LAMB4: variants seen among roughly 807,000 people sequenced by gnomAD.
LAMB4 encodes laminin subunit beta-4.
In LAMB4, 196 loss-of-function variants were observed where a neutral mutation model predicts 199.2. That is an observed-to-expected ratio of 0.98 (90% CI 0.88 to 1.11). The LOEUF (loss-of-function observed/expected upper bound fraction) is 1.11. Among genes scored for constraint, LAMB4 ranks in the 50% least tolerant of loss-of-function variants. The pLI, the probability that LAMB4 is intolerant of heterozygous loss-of-function variation, is 0.00. For missense variants in LAMB4, 2,080 were observed against 2,171.2 expected (o/e 0.96, Z 0.83); for synonymous variants, 744 against 770.6 (o/e 0.97, Z 0.57).
At chr7:108,092,903 CA>C (rs2037463981) in intron 12 of LAMB4, among the ~76,000 whole-genome samples, 1 of 151,918 alleles carries the variant, frequency 6.6e-6, no homozygotes, top group Admixed American at 6.6e-5. Flanking sequence ...CACTCCATCT[CA>C]AAAAAATTTT....
Position 108,091,484 on chromosome 7 carries a change from G to T in LAMB4, c.1701+142C>A, listed in dbSNP as rs529678486. 6.8e-6 allele frequency: 6 copies of T among 887,780 alleles called. 1 individual carries two copies. The South Asian group carries it at 6.9e-5, about 10-fold the overall frequency. The allele number at this position is 887,780 out of a possible 1,614,324, so 55.0% of individuals were successfully genotyped here. On this transcript the variant is annotated intron_variant, in intron 14 of 33. Transcript: ENST00000388781. ...AGAGTTTATATAATCTGCATTTGCA[G>T]GTTATAATAAACTCTGATCTGCATC...
At chr7:108,068,182 G>A in intron 18 of LAMB4, 23 bp from the exon 19 acceptor site, 1 of 1,612,696 alleles carries the variant, frequency 6.2e-7, no homozygotes, top group Non-Finnish European at 8.5e-7. Flanking sequence ...ATGGAAGGGA[G>A]GTAGAAATGA....
intron 1 of LAMB4, among the ~76,000 whole-genome samples, chr7:108,126,623 G>A (rs1187387688): frequency 8.4e-6 from 1 of 119,152 alleles, no homozygotes; most frequent in Non-Finnish European, 1.6e-5. Flanking sequence ...GGACTGCAGT[G>A]GCGCAATCTC....
At chr7:108,102,404 T>C (rs1291735367) in intron 10 of LAMB4, among the ~76,000 whole-genome samples, 1 of 151,880 alleles carries the variant, frequency 6.6e-6, no homozygotes, top group Non-Finnish European at 1.5e-5. Flanking sequence ...GTGAAAAAAA[T>C]CATGATAATG....
rs530077822 is a variant in LAMB4, at chr7:108,106,681, C to T, written c.592-109G>A. On this transcript the variant is annotated intron_variant, in intron 6 of 33. Coordinates refer to ENST00000388781, the MANE Select transcript of LAMB4 (RefSeq NM_007356.3). Reference sequence around the variant, plus strand: ...CCAGGCCCAAGAAATCTTACCACTTCAGCCTCCCAAGTAGCTGAGACCACA... The same window carrying T: ...CCAGGCCCAAGAAATCTTACCACTTTAGCCTCCCAAGTAGCTGAGACCACA... The T allele has an allele frequency of 1.3e-5, 8 of 635,580 alleles. No individual in the cohort carries two copies. In the East Asian group the frequency reaches 2.5e-4, roughly 20 times the overall value. 39.4% of individuals were successfully genotyped at this position (635,580 alleles called of 1,614,324 possible). A position where few individuals can be genotyped will look rare whatever the true frequency, so the allele number is the denominator to read the frequency against.
At position 108,116,140 on chromosome 7, in the gene LAMB4, GCTTTTGAGTAA is replaced by G. The variant is rs1468919373; in HGVS notation, c.45_55del (p.Tyr16SerfsTer3). 6.2e-7 allele frequency: 1 copy of G among 1,613,940 alleles called. No homozygotes were observed. Among genetic ancestry groups the G allele is most frequent in the African/African-American group, 1.3e-5 (1 of 75,036 alleles). On this transcript the variant is annotated frameshift_variant, in exon 3 of 34. Transcript: ENST00000388781. LOFTEE classifies it high-confidence loss of function. ...GGCACCCCTGTTGCAGTCATCTTGAGCTTTTGAGTAACTGAGCCACCCTTGAACACAACAGA... is the reference window on the plus strand; with the variant it reads ...GGCACCCCTGTTGCAGTCATCTTGAGCTGAGCCACCCTTGAACACAACAGA...
At chr7:108,012,061 A>G in the LAMB4 span, among the ~76,000 whole-genome samples, 2 of 150,108 alleles carry the variant, frequency 1.3e-5, no homozygotes, top group Non-Finnish European at 2.9e-5. Context: ...TTCTATAAAC[A>G]AAATATAAAC....
chr7:108,043,756 C>T lies in LAMB4; in HGVS notation c.4467G>A (p.Leu1489=). The T allele has an allele frequency of 6.4e-7, 1 of 1,566,260 alleles. No homozygotes were observed. Among genetic ancestry groups the T allele is most frequent in the South Asian group, 1.2e-5 (1 of 85,882 alleles). Residue 1489 remains leucine (L), a synonymous_variant, in exon 29 of 34, where the codon TTG becomes TTA. Coordinates refer to ENST00000388781, the MANE Select transcript of LAMB4 (RefSeq NM_007356.3). ...NLFIKKVKNF[L]LEENVPPEDI... is the part of the protein sequence containing the mutation. ...TAATATATATTTTTAAATTACCTAA[C>T]AAAAAGTTTTTCACTTTTTTGATGA...
chr7:108,055,659 T>C lies in LAMB4; in HGVS notation c.3728A>G (p.Lys1243Arg), dbSNP rs1246756240. 1 of 1,613,838 alleles carries C rather than the reference T, an allele frequency of 6.2e-7. No homozygotes were observed. Among genetic ancestry groups the C allele is most frequent in the African/African-American group, 1.3e-5 (1 of 74,976 alleles). ...HPVFPSGKFLKVKDYHDSVRR... is the reference protein window; with the variant it reads ...HPVFPSGKFLRVKDYHDSVRR... ...AACAGAGTCATGATAATCCTTGACT[T>C]TTAAGAATTTCCCAGATGGGAAAAC... is the stretch of plus-strand genomic sequence containing the variant. Residue 1243 changes from lysine (K) to arginine (R), a missense_variant, in exon 25 of 34, where the codon AAA (lysine) becomes AGA (arginine). Physicochemically the swap from Lys to Arg is conservative, Grantham distance 26. Transcript: ENST00000388781.
chr7:108,053,209 C>T (rs964077511), intron 25 of LAMB4, among the ~76,000 whole-genome samples: 3 of 152,212 alleles, frequency 2.0e-5, no homozygotes. Context: ...GAAATCCAGA[C>T]TTTCTCTCTT....
chr7:108,121,104 T>C (rs1444235417), intron 2 of LAMB4, among the ~76,000 whole-genome samples: 1 of 152,216 alleles, frequency 6.6e-6, no homozygotes, highest in Admixed American at 6.5e-5. Flanking sequence ...TTGGAATTAA[T>C]TCAGAAAATA....
chr7:108,059,026 C>T (rs149022570), intron 23 of LAMB4, among the ~76,000 whole-genome samples: 91 of 151,790 alleles, frequency 6.0e-4, no homozygotes, highest in African/African-American at 2.0e-3. Context: ...CTTGTTGCCC[C>T]GAGGCCTGTC....
At chr7:108,110,831 AAAATG>A (rs1378312652) in intron 4 of LAMB4, among the ~76,000 whole-genome samples, 2 of 152,238 alleles carry the variant, frequency 1.3e-5, no homozygotes, top group Non-Finnish European at 2.9e-5. Flanking sequence ...ACAAGGATCC[AAAATG>A]AAATGGCATT....
chr7:108,099,173 A>G (rs934346772), intron 10 of LAMB4, among the ~76,000 whole-genome samples: 1 of 152,200 alleles, frequency 6.6e-6, no homozygotes, highest in African/African-American at 2.4e-5. Context: ...AAGGGAGGGA[A>G]TAGTGAGAAG....
intron 8 of LAMB4, among the ~76,000 whole-genome samples, chr7:108,105,169 A>G (rs1387641804): frequency 6.6e-6 from 1 of 152,168 alleles, no homozygotes; most frequent in Non-Finnish European, 1.5e-5. Context: ...AACAGTTGAC[A>G]TTTATTTAGT....
chr7:108,122,195 C>CTG (rs1554452404), intron 2 of LAMB4, among the ~76,000 whole-genome samples: 1 of 152,154 alleles, frequency 6.6e-6, no homozygotes, highest in Non-Finnish European at 1.5e-5. Flanking sequence ...TATACAAAGG[C>CTG]TGGGGAGAAG....
intron 30 of LAMB4, among the ~76,000 whole-genome samples, chr7:108,035,579 T>A (rs2035193936): frequency 7.6e-6 from 1 of 131,828 alleles, no homozygotes; most frequent in African/African-American, 2.8e-5. Context: ...AATGTACTGC[T>A]TATTATAGCA....
intron 14 of LAMB4, among the ~76,000 whole-genome samples, chr7:108,083,814 G>C (rs2037052516): frequency 6.6e-6 from 1 of 152,184 alleles, no homozygotes; most frequent in African/African-American, 2.4e-5. Context: ...GGTAATCTGG[G>C]CTTCTTGTCA....
rs143137919 is a variant in LAMB4, at chr7:108,033,637, C to G, written c.4818+571G>C. ...TTGGCCCAGCTGGTCTCGAACTCCT[C>G]ACCTCGGGTGATACACCCACCTTGA... On this transcript the variant is annotated intron_variant, in intron 31 of 33. Coordinates refer to ENST00000388781, the MANE Select transcript of LAMB4 (RefSeq NM_007356.3). 4.6e-3 allele frequency among the ~76,000 whole-genome samples: 699 copies of G among 152,016 alleles called. 2 individuals carry two copies. Among genetic ancestry groups the G allele is most frequent in the African/African-American group, 0.016 (667 of 41,460 alleles).
Sources: allele counts gnomAD v4.1 joint callset (sites outside exome capture counted in the v4.1 genomes callset), GRCh38; gene constraint gnomAD v4.1.1; transcripts MANE v1.5; gene names NCBI Gene and HGNC (gene_info 2026-07-23, HGNC 2026-07-21).